Variants in PARD3 observed in about 807,000 individuals in gnomAD.
PARD3 encodes the protein par-3 family cell polarity regulator.
PARD3 carries 75 observed loss-of-function variants against 155.4 expected under a neutral mutation model. The ratio of observed to expected loss-of-function variants is 0.48; its 90% CI spans 0.40 to 0.58. PARD3 has a LOEUF of 0.58. Among genes scored for constraint, PARD3 ranks in the 20% least tolerant of loss-of-function variants. The probability of loss-of-function intolerance (pLI) is 0.00; values close to 1 mark genes in which losing one functional copy is unlikely to be tolerated. For missense variants in PARD3, 1,642 were observed against 1,721.7 expected (o/e 0.95, Z 0.82); for synonymous variants, 576 against 610.5 (o/e 0.94, Z 0.83).
At chr10:34,504,776 TG>T (rs888653006) in intron 3 of PARD3, among the ~76,000 whole-genome samples, 7 of 152,144 alleles carry the variant, frequency 4.6e-5, no homozygotes, top group Non-Finnish European at 1.0e-4. Flanking sequence ...CCTCTCCAGC[TG>T]GGTAGAGGAG....
intron 3 of PARD3, among the ~76,000 whole-genome samples, chr10:34,474,983 T>C (rs970625765): frequency 6.6e-6 from 1 of 152,142 alleles, no homozygotes; most frequent in Non-Finnish European, 1.5e-5. Context: ...AAATCTATCA[T>C]TAAATGGAGG....
At chr10:34,661,229 T>C (rs2093317870) in intron 2 of PARD3, among the ~76,000 whole-genome samples, 1 of 152,154 alleles carries the variant, frequency 6.6e-6, no homozygotes, top group South Asian at 2.1e-4. Flanking sequence ...ATCACTCTAC[T>C]TGAGAAACAA....
chr10:34,799,134 C>G (rs1041851952), intron 1 of PARD3, among the ~76,000 whole-genome samples: 2 of 152,136 alleles, frequency 1.3e-5, no homozygotes, highest in Non-Finnish European at 2.9e-5. Context: ...CTCCACCTCC[C>G]GGGATCAAGC....
chr10:34,534,691 A>ATGT (rs757365535), intron 2 of PARD3, among the ~76,000 whole-genome samples: 1 of 152,016 alleles, frequency 6.6e-6, no homozygotes, highest in Non-Finnish European at 1.5e-5. Context: ...ACGGTGGTTG[A>ATGT]TGTTGTTGTT....
Position 34,369,316 on chromosome 10 carries a change from G to GTTTATTTATTTA in PARD3, c.1707+3170_1707+3181dup, listed in dbSNP as rs200089677. ...ATTTTTGTGATTTATTTATTTATTT[G>GTTTATTTATTTA]TTTATTTATTTATTTATTTATTTAT... On this transcript the variant is annotated intron_variant, in intron 12 of 24. Transcript: ENST00000374788. Among the ~76,000 whole-genome samples the GTTTATTTATTTA allele has an allele frequency of 1.1e-4, 6 of 56,198 alleles. No individual in the cohort carries two copies. In the East Asian group the frequency reaches 2.0e-3, roughly 18 times the overall value. 36.9% of individuals were successfully genotyped at this position (56,198 alleles called of 152,430 possible). A position where few individuals can be genotyped will look rare whatever the true frequency, so the allele number is the denominator to read the frequency against.
chr10:34,670,995 ACTCC>A (rs2093601021), intron 2 of PARD3, among the ~76,000 whole-genome samples: 1 of 152,178 alleles, frequency 6.6e-6, no homozygotes, highest in African/African-American at 2.4e-5. Context: ...GACCAGACCA[ACTCC>A]AGAGTCATCG....
chr10:34,687,024 G>A (rs556838186), intron 2 of PARD3, among the ~76,000 whole-genome samples: 8 of 152,006 alleles, frequency 5.3e-5, no homozygotes, highest in South Asian at 2.1e-4. Context: ...ACTCCAGTCC[G>A]GGCGACAGAG....
At chr10:34,439,512 C>G (rs2076357354) in intron 5 of PARD3, among the ~76,000 whole-genome samples, 1 of 151,908 alleles carries the variant, frequency 6.6e-6, no homozygotes, top group Non-Finnish European at 1.5e-5. Flanking sequence ...GGCTGGAGTG[C>G]AGTGGTGCAA....
intron 3 of PARD3, among the ~76,000 whole-genome samples, chr10:34,501,010 T>A (rs2080662876): frequency 6.6e-6 from 1 of 152,206 alleles, no homozygotes; most frequent in Admixed American, 6.5e-5. Flanking sequence ...ATAACTAATT[T>A]GTTACCACAG....
At chr10:34,673,993 AAAAAC>A (rs1193560138) in intron 2 of PARD3, among the ~76,000 whole-genome samples, 1 of 151,760 alleles carries the variant, frequency 6.6e-6, no homozygotes, top group Non-Finnish European at 1.5e-5. Context: ...TCAAAAAAAA[AAAAAC>A]AAACAAACAG....
At chr10:34,292,933 T>A (rs1956745087) in intron 20 of PARD3, among the ~76,000 whole-genome samples, 1 of 151,910 alleles carries the variant, frequency 6.6e-6, no homozygotes, top group Non-Finnish European at 1.5e-5. Context: ...CCTAGAACCA[T>A]ATGGAACAAG....
intron 19 of PARD3, among the ~76,000 whole-genome samples, chr10:34,326,752 T>C (rs1835072591): frequency 6.6e-6 from 1 of 152,210 alleles, no homozygotes; most frequent in South Asian, 2.1e-4. Context: ...TCAAATTTCA[T>C]ACTGAAAACC....
At chr10:34,576,097 C>T (rs1461203611) in intron 2 of PARD3, among the ~76,000 whole-genome samples, 1 of 152,162 alleles carries the variant, frequency 6.6e-6, no homozygotes, top group Non-Finnish European at 1.5e-5. Flanking sequence ...AGCAGAATCA[C>T]TGATGTTTGC....
At chr10:34,765,965 TAC>T (rs759933765) in intron 1 of PARD3, among the ~76,000 whole-genome samples, 1 of 152,212 alleles carries the variant, frequency 6.6e-6, no homozygotes, top group Non-Finnish European at 1.5e-5. Context: ...GCCTAAAGAT[TAC>T]ACAGAGCTGA....
chr10:34,727,404 T>C (rs1348870721), intron 1 of PARD3, among the ~76,000 whole-genome samples: 1 of 152,236 alleles, frequency 6.6e-6, no homozygotes, highest in African/African-American at 2.4e-5. Context: ...CAATGTGTTC[T>C]AGCCTTCTCC....
intron 5 of PARD3, among the ~76,000 whole-genome samples, chr10:34,439,594 AT>A (rs2076361482): frequency 6.6e-6 from 1 of 151,944 alleles, no homozygotes; most frequent in Non-Finnish European, 1.5e-5. Context: ...AGTAGTTGGG[AT>A]TACTGCGTGT....
chr10:34,639,480 G>A (rs905804231), intron 2 of PARD3, among the ~76,000 whole-genome samples: 14 of 152,314 alleles, frequency 9.2e-5, no homozygotes, highest in South Asian at 8.3e-4. Context: ...GCACATCCCC[G>A]TTAGTGTGGT....
intron 4 of PARD3, among the ~76,000 whole-genome samples, chr10:34,464,797 T>A (rs1003179427): frequency 2.6e-5 from 4 of 152,186 alleles, no homozygotes; most frequent in African/African-American, 7.2e-5. Flanking sequence ...TGGTTCCCCC[T>A]GGTAATAAGA....
intron 2 of PARD3, among the ~76,000 whole-genome samples, chr10:34,690,909 A>G (rs898472431): frequency 5.9e-5 from 9 of 152,176 alleles, no homozygotes; most frequent in African/African-American, 1.9e-4. Context: ...GAGACTGTAC[A>G]TGAATCCATA....
Sources: allele counts gnomAD v4.1 joint callset (sites outside exome capture counted in the v4.1 genomes callset), GRCh38; gene constraint gnomAD v4.1.1; transcripts MANE v1.5; gene names NCBI Gene and HGNC (gene_info 2026-07-23, HGNC 2026-07-21).